The following WWOX variants were observed in gnomAD, a reference collection of about 807,000 sequenced individuals.
The protein encoded by WWOX is WW domain containing oxidoreductase.
In WWOX, 69 loss-of-function variants were observed where a neutral mutation model predicts 46.2. That is an observed-to-expected ratio of 1.49 (90% CI 1.23 to 1.82). WWOX has a LOEUF of 1.82. Among genes scored for constraint, WWOX ranks in the 40% most tolerant of loss-of-function variants. The probability of loss-of-function intolerance (pLI) is 0.00; values close to 1 mark genes in which losing one functional copy is unlikely to be tolerated. For missense variants in WWOX, 919 were observed against 542.6 expected (o/e 1.69, Z -6.89); for synonymous variants, 359 against 202.6 (o/e 1.77, Z -6.56).
chr16:78,684,085 T>A (rs2047798704), intron 8 of WWOX, among the ~76,000 whole-genome samples: 1 of 152,192 alleles, frequency 6.6e-6, no homozygotes, highest in Non-Finnish European at 1.5e-5. Context: ...CCTTTTTAGC[T>A]CATGGCCGTG....
chr16:78,887,723 A>G (rs1344076207), intron 8 of WWOX, among the ~76,000 whole-genome samples: 2 of 152,214 alleles, frequency 1.3e-5, no homozygotes, highest in Non-Finnish European at 2.9e-5. Flanking sequence ...AGATGTGACA[A>G]AACAAAAGAA....
chr16:78,740,172 A>C (rs527893738), intron 8 of WWOX, among the ~76,000 whole-genome samples: 4 of 152,282 alleles, frequency 2.6e-5, no homozygotes, highest in Middle Eastern at 6.8e-3. Context: ...TCCATTTCTT[A>C]GAGAGTGAGC....
rs34182797 is a variant in WWOX, at chr16:78,621,592, C to CTT, written c.1056+188869_1056+188870dup. ...ACCTTTAACCTTGTGTTGTTCTAAT[C>CTT]TTTTTTTTTTTTTTTTTTTTTTTTT... is the stretch of plus-strand genomic sequence containing the variant. On this transcript the variant is annotated intron_variant, in intron 8 of 8. Transcript: ENST00000566780. 6.1e-3 allele frequency among the ~76,000 whole-genome samples: 193 copies of CTT among 31,530 alleles called. 58 individuals carry two copies. The highest frequency in any genetic ancestry group is 0.013 in the African/African-American group (103 of 7,720). 20.7% of individuals were successfully genotyped at this position (31,530 alleles called of 152,430 possible).
chr16:78,271,656 C>T (rs1483333793), intron 5 of WWOX, among the ~76,000 whole-genome samples: 2 of 152,180 alleles, frequency 1.3e-5, no homozygotes, highest in African/African-American at 4.8e-5. Context: ...GAGGTTTTCT[C>T]TCATCCTTGA....
intron 8 of WWOX, among the ~76,000 whole-genome samples, chr16:78,708,292 A>C (rs541144367): frequency 6.6e-6 from 1 of 152,236 alleles, no homozygotes; most frequent in East Asian, 1.9e-4. Flanking sequence ...TGGAGCATAT[A>C]CTCTAAAAAT....
chr16:78,579,396 C>T (rs1488317158), intron 8 of WWOX, among the ~76,000 whole-genome samples: 1 of 152,098 alleles, frequency 6.6e-6, no homozygotes, highest in Non-Finnish European at 1.5e-5. Context: ...GAAGGGTAAA[C>T]TGAGTTCACC....
At chr16:78,482,040 A>G (rs1282831221) in intron 8 of WWOX, among the ~76,000 whole-genome samples, 1 of 152,080 alleles carries the variant, frequency 6.6e-6, no homozygotes, top group Admixed American at 6.6e-5. Context: ...ATCTGTTTCT[A>G]AAGAATAACT....
intron 8 of WWOX, among the ~76,000 whole-genome samples, chr16:79,178,130 T>C (rs1286711786): frequency 6.6e-6 from 1 of 152,182 alleles, no homozygotes; most frequent in East Asian, 1.9e-4. Flanking sequence ...GGAGATTCCT[T>C]TTCAACGCTT....
At chr16:78,787,447 G>C (rs188966038) in intron 8 of WWOX, among the ~76,000 whole-genome samples, 1 of 152,070 alleles carries the variant, frequency 6.6e-6, no homozygotes, top group Non-Finnish European at 1.5e-5. Context: ...CTGGCTTCTT[G>C]CTTTTAGCAT....
rs528020646 is a variant in WWOX, at chr16:79,172,030, G to T, written c.1057-39578G>T. On this transcript the variant is annotated intron_variant, in intron 8 of 8. Coordinates refer to ENST00000566780, the MANE Select transcript of WWOX (RefSeq NM_016373.4). ...TGACTCTCAGGAACACGGAGCTCCT[G>T]CAGAAGCCTGTGGAGCGAGGGCAAG... Among the ~76,000 whole-genome samples the T allele has an allele frequency of 4.3e-3, 652 of 152,298 alleles. 5 individuals are homozygous for T. The highest frequency in any genetic ancestry group is 7.2e-3 in the Non-Finnish European group (488 of 68,028).
intron 8 of WWOX, among the ~76,000 whole-genome samples, chr16:79,167,230 C>T (rs1172077746): frequency 1.3e-5 from 2 of 152,164 alleles, no homozygotes; most frequent in East Asian, 3.9e-4. Context: ...GCATGAACCA[C>T]CATGCCCGGC....
chr16:79,089,333 C>CT lies in WWOX; in HGVS notation c.1057-122259dup, dbSNP rs11309218. Among the ~76,000 whole-genome samples, 301 of 132,520 alleles carry CT rather than the reference C, an allele frequency of 2.3e-3. 2 individuals are homozygous for CT. Among genetic ancestry groups the CT allele is most frequent in the Middle Eastern group, 3.9e-3 (1 of 256 alleles). The allele number at this position is 132,520 out of a possible 152,430, so 86.9% of individuals were successfully genotyped here. A position where few individuals can be genotyped will look rare whatever the true frequency, so the allele number is the denominator to read the frequency against. The stretch of plus-strand genomic sequence containing the variant: ...CATCATGAACGTTCAAGGTGGGGAC[C>CT]TTTTTTTTTTTTTTTTGAGGCAGAG... On this transcript the variant is annotated intron_variant, in intron 8 of 8. Transcript: ENST00000566780.
chr16:78,622,578 C>G (rs2046215953), intron 8 of WWOX, among the ~76,000 whole-genome samples: 2 of 151,648 alleles, frequency 1.3e-5, no homozygotes, highest in Non-Finnish European at 2.9e-5. Context: ...TAGTTTCTTC[C>G]TCTGTTTGAC....
intron 8 of WWOX, among the ~76,000 whole-genome samples, chr16:78,998,080 T>C (rs1427143277): frequency 6.6e-6 from 1 of 152,106 alleles, no homozygotes. Context: ...TTCTCCCTGT[T>C]GTTCAGGGTG....
chr16:78,364,712 A>T (rs2081494258), intron 5 of WWOX, among the ~76,000 whole-genome samples: 1 of 152,164 alleles, frequency 6.6e-6, no homozygotes, highest in African/African-American at 2.4e-5. Flanking sequence ...TTCCAGTCTA[A>T]ATCCCTGCCA....
intron 8 of WWOX, among the ~76,000 whole-genome samples, chr16:79,063,084 C>A (rs539200738): frequency 6.6e-6 from 1 of 152,154 alleles, no homozygotes; most frequent in Admixed American, 6.5e-5. Context: ...AAGTTGGTGC[C>A]GCGCCAAATC....
intron 8 of WWOX, among the ~76,000 whole-genome samples, chr16:78,486,949 C>A (rs1423611847): frequency 6.6e-6 from 1 of 152,176 alleles, no homozygotes; most frequent in African/African-American, 2.4e-5. Context: ...TCATTCCTAA[C>A]AGGGCATCCC....
chr16:78,424,284 A>AT lies in WWOX; in HGVS notation c.606-578dup, dbSNP rs201673922. On this transcript the variant is annotated intron_variant, in intron 6 of 8. Transcript: ENST00000566780. ...AGACATATACCACCACACCTGGCTA[A>AT]TTTTTTTTGTGTTTTGACAGAGATG... Among the ~76,000 whole-genome samples the AT allele has an allele frequency of 3.1e-3, 468 of 150,472 alleles. 4 individuals carry two copies. The highest frequency in any genetic ancestry group is 0.011 in the African/African-American group (446 of 41,028).
chr16:78,498,897 C>A (rs1430214603), intron 8 of WWOX, among the ~76,000 whole-genome samples: 1 of 152,074 alleles, frequency 6.6e-6, no homozygotes, highest in Non-Finnish European at 1.5e-5. Context: ...TAGGCAACTT[C>A]CTCGATTGTC....
Sources: allele counts gnomAD v4.1 joint callset (sites outside exome capture counted in the v4.1 genomes callset), GRCh38; gene constraint gnomAD v4.1.1; transcripts MANE v1.5; gene names NCBI Gene and HGNC (gene_info 2026-07-23, HGNC 2026-07-21).